PAPOLA: variants seen among roughly 807,000 people sequenced by gnomAD.
PAPOLA encodes polynucleotide adenylyltransferase alpha.
Under a neutral mutation model 100.6 loss-of-function variants are expected in PAPOLA, and 15 were observed. The observed-to-expected ratio is 0.15, with a 90% CI of 0.10 to 0.23. PAPOLA has a LOEUF of 0.23. Ranked by LOEUF, PAPOLA falls within the 10% of genes least tolerant of loss-of-function variation. The probability of loss-of-function intolerance (pLI) is 1.00; values close to 1 mark genes in which losing one functional copy is unlikely to be tolerated. For missense variants in PAPOLA, 533 were observed against 884.2 expected (o/e 0.60, Z 5.04); for synonymous variants, 293 against 300.0 (o/e 0.98, Z 0.24).
chr14:96,507,516 C>A (rs908690599), intron 1 of PAPOLA, among the ~76,000 whole-genome samples: 1 of 151,968 alleles, frequency 6.6e-6, no homozygotes. Context: ...ACCTCGTGAT[C>A]CGCCTGCCTC....
In PAPOLA at chr14:96,527,465, C is replaced by T; in HGVS notation, c.367C>T (p.His123Tyr). 1.2e-6 allele frequency: 2 copies of T among 1,612,734 alleles called. No individual in the cohort carries two copies. Among genetic ancestry groups the T allele is most frequent in the Non-Finnish European group, 1.7e-6 (2 of 1,178,912 alleles). Residue 123 changes from histidine to tyrosine, a missense_variant, in exon 5 of 22, where the codon CAT becomes TAT. This residue lies in a region of PAPOLA where 54 missense variants were observed against 133.2 expected (regional missense o/e 0.41). Coordinates refer to ENST00000216277, the MANE Select transcript of PAPOLA (RefSeq NM_032632.5). The part of the protein sequence containing the change: ...DIDALCVAPR[H>Y]VDRSDFFTSF... ...TGATGCGTTGTGTGTTGCACCAAGACATGTTGATCGAAGTGACTTTTTCAC... is the reference window on the plus strand; with the variant it reads ...TGATGCGTTGTGTGTTGCACCAAGATATGTTGATCGAAGTGACTTTTTCAC...
At chr14:96,511,024 C>T (rs1897078019) in intron 1 of PAPOLA, among the ~76,000 whole-genome samples, 1 of 152,150 alleles carries the variant, frequency 6.6e-6, no homozygotes. Context: ...GCAAATTCTA[C>T]TGTGATGAAT....
intron 1 of PAPOLA, among the ~76,000 whole-genome samples, chr14:96,515,717 A>G (rs1171682272): frequency 2.0e-5 from 3 of 152,228 alleles, no homozygotes; most frequent in African/African-American, 7.2e-5. Flanking sequence ...TCTTCATATT[A>G]AAAACCAGGA....
intron 15 of PAPOLA, among the ~76,000 whole-genome samples, chr14:96,545,231 C>A (rs1423380101): frequency 6.6e-6 from 1 of 151,950 alleles, no homozygotes; most frequent in African/African-American, 2.4e-5. Context: ...GTTAAAAAGT[C>A]AGTATCGTAC....
Position 96,502,496 on chromosome 14 carries a change from G to GCCCC in PAPOLA, c.-92_-89dup, listed in dbSNP as rs376135159. ...GGGGTTGGACCCAGGGCTGAGGCAG[G>GCCCC]CCCCCCCCTCCCTCCCGCCTCAGTG... On this transcript the variant is annotated 5_prime_UTR_variant, in exon 1 of 22. Transcript: ENST00000216277. 2 of 958,950 alleles carry GCCCC rather than the reference G, an allele frequency of 2.1e-6. No individual in the cohort carries two copies. The highest frequency in any genetic ancestry group is 1.7e-5 in the African/African-American group (1 of 59,956). 59.4% of individuals were successfully genotyped at this position (958,950 alleles called of 1,614,324 possible). A position where few individuals can be genotyped will look rare whatever the true frequency, so the allele number is the denominator to read the frequency against.
At chr14:96,509,837 A>G (rs1008062157) in intron 1 of PAPOLA, among the ~76,000 whole-genome samples, 1 of 152,204 alleles carries the variant, frequency 6.6e-6, no homozygotes, top group African/African-American at 2.4e-5. Context: ...TTGACTGAAG[A>G]ATTCTGTTAA....
At chr14:96,561,939 G>A (rs1901882118) in intron 20 of PAPOLA, among the ~76,000 whole-genome samples, 1 of 150,918 alleles carries the variant, frequency 6.6e-6, no homozygotes, top group Admixed American at 6.6e-5. Context: ...CTGTCGCCCA[G>A]GCTGGAGTGC....
chr14:96,548,744 A>G (rs1193000731), intron 16 of PAPOLA, among the ~76,000 whole-genome samples: 1 of 152,228 alleles, frequency 6.6e-6, no homozygotes, highest in Non-Finnish European at 1.5e-5. Context: ...AAATAAAAGT[A>G]TATGTTACAG....
At chr14:96,548,357 CTA>C (rs1470441041) in intron 16 of PAPOLA, among the ~76,000 whole-genome samples, 3 of 151,454 alleles carry the variant, frequency 2.0e-5, no homozygotes. Flanking sequence ...ATATTAAAAA[CTA>C]AAAGTTGCTG....
At chr14:96,529,837 G>A (rs145515119) in intron 6 of PAPOLA, among the ~76,000 whole-genome samples, 1 of 152,308 alleles carries the variant, frequency 6.6e-6, no homozygotes, top group East Asian at 1.9e-4. Context: ...CCAAAGCTGT[G>A]CTGTTTCTTT....
chr14:96,559,581 C>CTCTCTCTCTCTCTCTCTATATATATA (rs370979875), intron 19 of PAPOLA, among the ~76,000 whole-genome samples: 1 of 120,182 alleles, frequency 8.3e-6, no homozygotes, highest in African/African-American at 3.4e-5. Context: ...CTCTCTCTCT[C>CTCTCTCTCTCTCTCTCTATATATATA]TATATATATA....
At position 96,545,508 on chromosome 14, in the gene PAPOLA, T is replaced by C. The variant is rs189061936; in HGVS notation, c.1399+1250T>C. ...GATCTGATTTTGATATGCTTGGTGG[T>C]AGTTGTATTCCTGGAAATTTCAAAT... On this transcript the variant is annotated intron_variant, in intron 15 of 21. Transcript: ENST00000216277. 1.6e-3 allele frequency among the ~76,000 whole-genome samples: 251 copies of C among 152,242 alleles called. No homozygotes were observed. In the Middle Eastern group the frequency reaches 0.02, roughly 12 times the overall value.
At chr14:96,507,280 G>GTTTTTTGTTTTT (rs1413020909) in intron 1 of PAPOLA, among the ~76,000 whole-genome samples, 3 of 80,720 alleles carry the variant, frequency 3.7e-5, no homozygotes, top group African/African-American at 1.7e-4. Context: ...TTGGAAAATA[G>GTTTTTTGTTTTT]TTTTTTTTTT....
At chr14:96,529,055 A>G (rs1003143414) in intron 6 of PAPOLA, among the ~76,000 whole-genome samples, 2 of 152,186 alleles carry the variant, frequency 1.3e-5, no homozygotes, top group African/African-American at 4.8e-5. Flanking sequence ...TCAAGATGGA[A>G]AGTTAGATGG....
intron 13 of PAPOLA, 42 bp from the exon 14 acceptor site, chr14:96,542,732 T>A: frequency 1.3e-6 from 2 of 1,563,788 alleles, no homozygotes; most frequent in Non-Finnish European, 1.7e-6. Context: ...TATTTTTAAG[T>A]TAACCAAAAC....
rs954294108 is a variant in PAPOLA at position 96,549,997 on chromosome 14, T to A, written c.1521+2079T>A. Among the ~76,000 whole-genome samples, 51 of 151,834 alleles carry A rather than the reference T, an allele frequency of 3.4e-4. 1 individual carries two copies. The highest frequency in any genetic ancestry group is 2.0e-3 in the Admixed American group (31 of 15,250). On this transcript the variant is annotated intron_variant, in intron 16 of 21. Transcript: ENST00000216277. ...GCAAGACTCCGTCTCTAAAAAAAAA[T>A]TTTTTTGAGAATGGTGGCCTGGGCC...
intron 20 of PAPOLA, among the ~76,000 whole-genome samples, chr14:96,560,991 G>A (rs1175171256): frequency 6.6e-6 from 1 of 152,038 alleles, no homozygotes; most frequent in Non-Finnish European, 1.5e-5. Context: ...GGGGGCCACG[G>A]GGCAAGAAAA....
chr14:96,548,654 ATG>A (rs1221215762), intron 16 of PAPOLA, among the ~76,000 whole-genome samples: 2 of 152,224 alleles, frequency 1.3e-5, no homozygotes, highest in Non-Finnish European at 2.9e-5. Context: ...AGGCACATGT[ATG>A]TATGTATCAC....
At chr14:96,564,911 T>TTACA in intron 21 of PAPOLA, 44 bp from the exon 22 acceptor site, 1 of 977,668 alleles carries the variant, frequency 1.0e-6, no homozygotes, top group South Asian at 1.3e-5. Flanking sequence ...ATTGTTAAAT[T>TTACA]ATGGTGCTTT....
Sources: gnomAD v4.1 joint callset for allele counts (sites outside exome capture counted in the v4.1 genomes callset) on GRCh38, gnomAD v4.1.1 for gene constraint, gnomAD v4.1.1 regional missense constraint, MANE v1.5 for transcripts, NCBI Gene and HGNC (gene_info 2026-07-23, HGNC 2026-07-21) for gene names.